LTBP1: variants seen among roughly 807,000 people sequenced by gnomAD.
LTBP1 encodes latent-transforming growth factor beta-binding protein 1.
LTBP1 carries 129 observed loss-of-function variants against 207.6 expected under a neutral mutation model. The ratio of observed to expected loss-of-function variants is 0.62; its 90% CI spans 0.54 to 0.72. LTBP1 has a LOEUF of 0.72. LTBP1 is among the 30% of genes least tolerant of loss of function. The probability of loss-of-function intolerance (pLI) is 0.00; values close to 1 mark genes in which losing one functional copy is unlikely to be tolerated. For missense variants in LTBP1, 2,281 were observed against 2,217.2 expected (o/e 1.03, Z -0.58); for synonymous variants, 963 against 833.7 (o/e 1.16, Z -2.67).
At chr2:33,117,137 G>A (rs1223164644) in intron 4 of LTBP1, among the ~76,000 whole-genome samples, 2 of 152,210 alleles carry the variant, frequency 1.3e-5, no homozygotes, top group African/African-American at 4.8e-5. Context: ...TGTAGAGTCT[G>A]TTGTTTTCAT....
intron 2 of LTBP1, among the ~76,000 whole-genome samples, chr2:32,950,205 A>G (rs2148214041): frequency 6.6e-6 from 1 of 152,282 alleles, no homozygotes; most frequent in East Asian, 1.9e-4. Flanking sequence ...TGTAACATGG[A>G]GATAACTCGT....
chr2:33,366,004 C>G (rs1013668900), intron 31 of LTBP1, among the ~76,000 whole-genome samples: 2 of 152,176 alleles, frequency 1.3e-5, no homozygotes, highest in African/African-American at 4.8e-5. Context: ...AGTATTTCAA[C>G]AAATCTCCTT....
chr2:33,155,333 G>T (rs2083887122), intron 5 of LTBP1, among the ~76,000 whole-genome samples: 1 of 152,144 alleles, frequency 6.6e-6, no homozygotes, highest in Non-Finnish European at 1.5e-5. Flanking sequence ...CTCCCAAAGT[G>T]CTAGGATTAC....
At chr2:33,241,334 A>G (rs1455888064) in intron 9 of LTBP1, among the ~76,000 whole-genome samples, 2 of 152,122 alleles carry the variant, frequency 1.3e-5, no homozygotes, top group African/African-American at 4.8e-5. Context: ...TCTATACCTG[A>G]TAGGTTTGCT....
rs531890095 is a variant in LTBP1 at position 32,961,441 on chromosome 2, T to G, written c.565+12496T>G. ...AATGTTCAATCCTTTAAAAATTGAT[T>G]AAAAATTTTATTTTGATGATCATAG... On this transcript the variant is annotated intron_variant, in intron 2 of 33. Transcript: ENST00000404816. 1.0e-3 allele frequency among the ~76,000 whole-genome samples: 152 copies of G among 152,364 alleles called. 1 individual carries two copies. Among genetic ancestry groups the G allele is most frequent in the African/African-American group, 3.6e-3 (148 of 41,584 alleles).
chr2:33,319,996 G>A (rs2149321312), intron 24 of LTBP1, among the ~76,000 whole-genome samples: 1 of 152,276 alleles, frequency 6.6e-6, no homozygotes, highest in South Asian at 2.1e-4. Flanking sequence ...TCTAGGTACT[G>A]GGGCCTTGTC....
At chr2:33,343,722 G>A (rs1346735211) in intron 25 of LTBP1, among the ~76,000 whole-genome samples, 1 of 152,164 alleles carries the variant, frequency 6.6e-6, no homozygotes, top group Admixed American at 6.5e-5. Flanking sequence ...AGTCTGTTCC[G>A]GGATTGACAG....
At chr2:33,192,608 A>G (rs1261023895) in intron 7 of LTBP1, among the ~76,000 whole-genome samples, 1 of 152,224 alleles carries the variant, frequency 6.6e-6, no homozygotes, top group African/African-American at 2.4e-5. Flanking sequence ...ATTCACCTTA[A>G]TTAAATCTTG....
chr2:33,144,425 C>G (rs959417428), intron 5 of LTBP1, among the ~76,000 whole-genome samples: 15 of 152,182 alleles, frequency 9.9e-5, no homozygotes, highest in Non-Finnish European at 2.9e-5. Context: ...CTTGAGTTCA[C>G]TTGCTTACAC....
At chr2:33,238,728 G>A (rs535164787) in intron 9 of LTBP1, among the ~76,000 whole-genome samples, 12 of 152,140 alleles carry the variant, frequency 7.9e-5, no homozygotes, top group Non-Finnish European at 1.2e-4. Flanking sequence ...GGCCTTGGAC[G>A]AAATTATCTC....
chr2:33,179,270 C>T (rs1043971529), intron 5 of LTBP1, among the ~76,000 whole-genome samples: 1 of 152,116 alleles, frequency 6.6e-6, no homozygotes, highest in Admixed American at 6.5e-5. Context: ...GTTCTTCTTC[C>T]AGTGTAGCTC....
chr2:33,188,731 T>A lies in LTBP1; in HGVS notation c.1581T>A (p.Pro527=), dbSNP rs774180212. ...CCCAAGTCTCGTACCAAGGGCTTCC[T>A]GTCCAGAAGACCCAGACCATACATT... ...GQSQVSYQGL[P]VQKTQTIHST... is the part of the protein sequence containing the mutation. Residue 527 remains proline (P), a synonymous_variant, in exon 7 of 34, where the codon CCT becomes CCA. Coordinates refer to ENST00000404816, the MANE Select transcript of LTBP1 (RefSeq NM_206943.4). 1.2e-5 allele frequency: 19 copies of A among 1,614,176 alleles called. No homozygotes were observed. In the South Asian group the frequency reaches 2.0e-4, roughly 17 times the overall value.
chr2:33,142,125 C>T (rs2082682314), intron 5 of LTBP1, among the ~76,000 whole-genome samples: 2 of 152,080 alleles, frequency 1.3e-5, no homozygotes, highest in African/African-American at 4.8e-5. Context: ...GATCTCGGCT[C>T]ACTGCAAGCT....
At chr2:33,199,486 G>C (rs2088961187) in intron 7 of LTBP1, among the ~76,000 whole-genome samples, 1 of 152,136 alleles carries the variant, frequency 6.6e-6, no homozygotes, top group African/African-American at 2.4e-5. Flanking sequence ...AAAATAATAA[G>C]AGCTACCTGT....
chr2:33,336,509 CG>C (rs112405005), intron 24 of LTBP1, among the ~76,000 whole-genome samples: 22,136 of 152,064 alleles, frequency 0.15, 3,080 homozygotes, highest in African/African-American at 0.36. Flanking sequence ...TTCAGGTTTC[CG>C]TTAAGTCAAA....
chr2:33,130,402 T>C (rs564286423), intron 4 of LTBP1, among the ~76,000 whole-genome samples: 5 of 152,242 alleles, frequency 3.3e-5, no homozygotes, highest in African/African-American at 7.2e-5. Context: ...ACTGTATTTG[T>C]TCATGACATC....
At chr2:33,269,135 A>G (rs961603875) in intron 15 of LTBP1, among the ~76,000 whole-genome samples, 18 of 152,066 alleles carry the variant, frequency 1.2e-4, no homozygotes, top group African/African-American at 4.4e-4. Context: ...TCATTCATTC[A>G]GGGAATCACA....
At chr2:33,176,319 C>T (rs1007399999) in intron 5 of LTBP1, among the ~76,000 whole-genome samples, 7 of 152,078 alleles carry the variant, frequency 4.6e-5, no homozygotes, top group Admixed American at 2.0e-4. Context: ...CTCCGCCTCC[C>T]GGTTCATGCC....
At chr2:32,979,646 T>C (rs1181026845) in intron 2 of LTBP1, among the ~76,000 whole-genome samples, 1 of 152,160 alleles carries the variant, frequency 6.6e-6, no homozygotes, top group African/African-American at 2.4e-5. Context: ...GAAGAATGTA[T>C]ATTCTGTAGC....
Sources: allele counts gnomAD v4.1 joint callset (sites outside exome capture counted in the v4.1 genomes callset), GRCh38; gene constraint gnomAD v4.1.1; transcripts MANE v1.5; gene names NCBI Gene and HGNC (gene_info 2026-07-23, HGNC 2026-07-21).